Variants in SORCS2 observed in about 807,000 individuals in gnomAD.
SORCS2 encodes the protein VPS10 domain-containing receptor SorCS2.
A neutral mutation model predicts 141.6 loss-of-function variants in SORCS2; 100 were observed. That is an observed-to-expected ratio of 0.71 (90% CI 0.60 to 0.83). SORCS2 has a LOEUF of 0.83. SORCS2 is among the 40% of genes least tolerant of loss of function. The probability of loss-of-function intolerance (pLI) is 0.00; values close to 1 mark genes in which losing one functional copy is unlikely to be tolerated. For synonymous variants in SORCS2, 789 were observed against 676.9 expected, an observed-to-expected ratio of 1.17 and a Z score of -2.57; for missense variants, 1,646 against 1,560.2, an observed-to-expected ratio of 1.05 and a Z score of -0.93.
At chr4:7,245,846 C>A (rs1021665983) in intron 1 of SORCS2, among the ~76,000 whole-genome samples, 2 of 152,094 alleles carry the variant, frequency 1.3e-5, no homozygotes, top group Non-Finnish European at 1.5e-5. Context: ...GACAACTCCC[C>A]CTTTACAGAT....
At chr4:7,282,010 C>T (rs908408338) in intron 1 of SORCS2, among the ~76,000 whole-genome samples, 1 of 152,236 alleles carries the variant, frequency 6.6e-6, no homozygotes, top group African/African-American at 2.4e-5. Context: ...GCCACTCTGC[C>T]TCGTGGAGCT....
intron 3 of SORCS2, among the ~76,000 whole-genome samples, chr4:7,611,601 G>A (rs1456962365): frequency 7.9e-5 from 12 of 152,194 alleles, no homozygotes; most frequent in Non-Finnish European, 1.6e-4. Context: ...GACCCTCATG[G>A]CTTTGTCCAC....
At chr4:7,199,252 G>A (rs1168372212) in intron 1 of SORCS2, among the ~76,000 whole-genome samples, 1 of 152,206 alleles carries the variant, frequency 6.6e-6, no homozygotes, top group African/African-American at 2.4e-5. Context: ...AAAGCGGGGT[G>A]GGGGCAGAGA....
chr4:7,403,102 A>C (rs550513429), intron 2 of SORCS2, among the ~76,000 whole-genome samples: 1 of 152,108 alleles, frequency 6.6e-6, no homozygotes, highest in Non-Finnish European at 1.5e-5. Flanking sequence ...TCGAAGTGCA[A>C]TTGTTAGAAT....
At chr4:7,703,985 A>G (rs186591499) in intron 13 of SORCS2, among the ~76,000 whole-genome samples, 192 bp from the exon 14 acceptor site, 1 of 152,320 alleles carries the variant, frequency 6.6e-6, no homozygotes, top group African/African-American at 2.4e-5. Context: ...GGGCAGTACA[A>G]TGCAGATAAG....
intron 14 of SORCS2, among the ~76,000 whole-genome samples, chr4:7,704,649 C>T (rs911821118): frequency 3.9e-5 from 6 of 152,364 alleles, no homozygotes; most frequent in Middle Eastern, 3.4e-3. Flanking sequence ...TGGCCCTGCC[C>T]GGCTTCCTTC....
At chr4:7,551,855 A>G (rs73082986) in intron 3 of SORCS2, among the ~76,000 whole-genome samples, 121 of 152,374 alleles carry the variant, frequency 7.9e-4, no homozygotes, top group African/African-American at 2.8e-3. Flanking sequence ...TTGACTAGGT[A>G]TATGAACAAA....
intron 19 of SORCS2, among the ~76,000 whole-genome samples, chr4:7,724,627 A>ATGGTGGTGGTGATGGTGGAGGTGATGG (rs765534091): frequency 1.5e-5 from 1 of 67,776 alleles, no homozygotes; most frequent in Non-Finnish European, 3.1e-5. Context: ...GAGGATGGTG[A>ATGGTGGTGGTGATGGTGGAGGTGATGG]TGGTGGTGAT....
chr4:7,433,922 C>T, intron 2 of SORCS2: 1 of 1,613,848 alleles, frequency 6.2e-7, no homozygotes, highest in Non-Finnish European at 8.5e-7. Flanking sequence ...CGCTCCAGGG[C>T]ATGGGTGATC....
intron 8 of SORCS2, among the ~76,000 whole-genome samples, chr4:7,668,962 G>A (rs1325923749): frequency 6.6e-6 from 1 of 152,124 alleles, no homozygotes; most frequent in East Asian, 1.9e-4. Flanking sequence ...TCAGCCTGCT[G>A]CCAAGGGTGC....
chr4:7,454,203 T>A (rs1346548788), intron 2 of SORCS2, among the ~76,000 whole-genome samples: 1 of 142,362 alleles, frequency 7.0e-6, no homozygotes, highest in African/African-American at 2.7e-5. Flanking sequence ...AGGTGCTGTG[T>A]GTTGGGGTCA....
At chr4:7,702,085 C>T (rs1294215999) in intron 12 of SORCS2, among the ~76,000 whole-genome samples, 1 of 152,230 alleles carries the variant, frequency 6.6e-6, no homozygotes, top group East Asian at 1.9e-4. Flanking sequence ...GTGGACTTGT[C>T]CACGGTCCCC....
intron 12 of SORCS2, among the ~76,000 whole-genome samples, chr4:7,698,862 T>TA (rs397943520): frequency 1.3e-5 from 2 of 150,302 alleles, no homozygotes; most frequent in Non-Finnish European, 3.0e-5. Flanking sequence ...GGTTTTTTTT[T>TA]AAGTTTCTTG....
At chr4:7,582,771 C>T (rs1020618133) in intron 3 of SORCS2, among the ~76,000 whole-genome samples, 4 of 152,176 alleles carry the variant, frequency 2.6e-5, no homozygotes, top group African/African-American at 4.8e-5. Flanking sequence ...AGAGCGTCTG[C>T]CCCTATTTGA....
rs1261683350 is a variant in SORCS2 at position 7,737,097 on chromosome 4, C to T, written c.3340C>T (p.Gln1114Ter). ...ACGGCCAGGCAGGACCGTGTACGCC[C>T]AAATGCACAACGAGAAGGAGCAGGA... ...RKRPGRTVYAQMHNEKEQEMT... is the reference protein window; with the variant it reads ...RKRPGRTVYA Residue 1114 changes from glutamine to a stop codon, truncating the protein, a stop_gained, in exon 26 of 27, where the codon CAA becomes TAA. Transcript: ENST00000507866. LOFTEE classifies it high-confidence loss of function. The T allele has an allele frequency of 6.4e-7, 1 of 1,551,364 alleles. No individual in the cohort carries two copies. The highest frequency in any genetic ancestry group is 8.7e-7 in the Non-Finnish European group (1 of 1,146,918).
chr4:7,297,080 A>T (rs1197093414), intron 1 of SORCS2, among the ~76,000 whole-genome samples: 1 of 139,764 alleles, frequency 7.2e-6, no homozygotes, highest in Admixed American at 7.8e-5. Flanking sequence ...CTCTCCTCAG[A>T]GTGCCTGGGG....
At chr4:7,374,195 C>CTTTCT (rs1722482729) in intron 1 of SORCS2, among the ~76,000 whole-genome samples, 1 of 138,662 alleles carries the variant, frequency 7.2e-6, no homozygotes, top group Non-Finnish European at 1.6e-5. Context: ...TTCTTTCTTT[C>CTTTCT]TTTTTTGCAG....
intron 1 of SORCS2, among the ~76,000 whole-genome samples, chr4:7,336,117 G>A (rs1719969544): frequency 6.6e-6 from 1 of 152,344 alleles, no homozygotes; most frequent in African/African-American, 2.4e-5. Context: ...GTCCCCATGT[G>A]TGCTGTGATT....
At chr4:7,288,010 C>A (rs761121405) in intron 1 of SORCS2, among the ~76,000 whole-genome samples, 1 of 152,250 alleles carries the variant, frequency 6.6e-6, no homozygotes, top group Non-Finnish European at 1.5e-5. Context: ...GCTGGCGTTG[C>A]TGTCCCCGCC....
Sources: allele counts gnomAD v4.1 joint callset (sites outside exome capture counted in the v4.1 genomes callset), GRCh38; gene constraint gnomAD v4.1.1; transcripts MANE v1.5; gene names NCBI Gene and HGNC (gene_info 2026-07-23, HGNC 2026-07-21).